MORN4: variants seen among roughly 807,000 people sequenced by gnomAD.
The protein encoded by MORN4 is MORN repeat-containing protein 4.
Under a neutral mutation model 16.4 loss-of-function variants are expected in MORN4, and 8 were observed. The ratio of observed to expected loss-of-function variants is 0.49; its 90% CI spans 0.29 to 0.88. The LOEUF (loss-of-function observed/expected upper bound fraction) is 0.88. Ranked by LOEUF, MORN4 falls within the 40% of genes least tolerant of loss-of-function variation. MORN4 has a pLI of 0.09. For missense variants in MORN4, 159 were observed against 182.9 expected, an observed-to-expected ratio of 0.87 and a Z score of 0.75; for synonymous variants, 53 against 68.9, an observed-to-expected ratio of 0.77 and a Z score of 1.14.
intron 1 of MORN4, among the ~76,000 whole-genome samples, chr10:97,624,261 A>G (rs1055665036): frequency 6.6e-6 from 1 of 152,202 alleles, no homozygotes; most frequent in African/African-American, 2.4e-5. Flanking sequence ...CCACATTGTC[A>G]TGGTGGACAG....
Position 97,626,754 on chromosome 10 carries a change from ATTTTTTT to A in MORN4, c.-31+6586_-31+6592del, listed in dbSNP as rs536665432. Among the ~76,000 whole-genome samples the A allele has an allele frequency of 7.5e-3, 835 of 110,978 alleles. 2 individuals are homozygous for A. The highest frequency in any genetic ancestry group is 0.015 in the Middle Eastern group (2 of 134). 72.8% of individuals were successfully genotyped at this position (110,978 alleles called of 152,430 possible). On this transcript the variant is annotated intron_variant, in intron 1 of 4. Coordinates refer to ENST00000307450, the MANE Select transcript of MORN4 (RefSeq NM_178832.4). Reference sequence around the variant, plus strand: ...TACAGGCATGAGCCACTGTGCCCAGATTTTTTTTTTTTTTTTTTTTTAGACAGAGTTT... The same window carrying A: ...TACAGGCATGAGCCACTGTGCCCAGATTTTTTTTTTTTTTAGACAGAGTTT...
intron 1 of MORN4, among the ~76,000 whole-genome samples, chr10:97,632,363 C>A (rs1274357561): frequency 6.6e-6 from 1 of 151,866 alleles, no homozygotes; most frequent in Non-Finnish European, 1.5e-5. Flanking sequence ...GGATTACAGG[C>A]ACGTGCCACC....
chr10:97,632,015 G>A (rs563338866), intron 1 of MORN4, among the ~76,000 whole-genome samples: 5 of 152,038 alleles, frequency 3.3e-5, no homozygotes, highest in Non-Finnish European at 4.4e-5. Flanking sequence ...AATACTGGGT[G>A]GAGGCAGCCA....
chr10:97,633,355 G>C lies in MORN4; in HGVS notation c.-39C>G, dbSNP rs1308623831. The C allele has an allele frequency of 7.8e-7, 1 of 1,289,758 alleles. No homozygotes were observed. The highest frequency in any genetic ancestry group is 1.5e-5 in the African/African-American group (1 of 65,972). 79.9% of individuals were successfully genotyped at this position (1,289,758 alleles called of 1,614,324 possible). A position where few individuals can be genotyped will look rare whatever the true frequency, so the allele number is the denominator to read the frequency against. ...CTGCGCCTCCAGCCAACCTGGGGCC[G>C]GCCTTTCGGGATGACCGTCACGCCT... On this transcript the variant is annotated 5_prime_UTR_variant, in exon 1 of 5. Transcript: ENST00000307450. The surrounding 1 kb of genome is among the most constrained non-coding windows in gnomAD (Gnocchi z 4.5).
chr10:97,619,468 A>G (rs1164688139), intron 2 of MORN4, 119 bp downstream of exon 2: 2 of 780,452 alleles, frequency 2.6e-6, no homozygotes, highest in Non-Finnish European at 4.7e-6. Flanking sequence ...CAGGCACTAT[A>G]TGGAATTAAA....
At chr10:97,616,570 G>A (rs2041238290) in intron 4 of MORN4, 108 bp downstream of exon 4, 4 of 1,232,402 alleles carry the variant, frequency 3.2e-6, no homozygotes, top group African/African-American at 1.5e-5. Flanking sequence ...AGGTGTCAGG[G>A]ACGGCCACTA....
upstream of MORN4, among the ~76,000 whole-genome samples, chr10:97,633,856 G>A (rs907776908): frequency 6.6e-6 from 1 of 152,212 alleles, no homozygotes; most frequent in Non-Finnish European, 1.5e-5. This position sits in a 1 kb window ranked among gnomAD's most constrained non-coding sequence, Gnocchi z 4.5. Flanking sequence ...GCTTCAGAGA[G>A]GCAGCTTTGT....
At chr10:97,631,755 G>T (rs568046181) in intron 1 of MORN4, among the ~76,000 whole-genome samples, 4 of 152,164 alleles carry the variant, frequency 2.6e-5, no homozygotes, top group Non-Finnish European at 5.9e-5. Flanking sequence ...GAAACGTAGT[G>T]AGACCTCATC....
intron 1 of MORN4, among the ~76,000 whole-genome samples, chr10:97,622,895 A>ATTTATTTATTTATTTT (rs2041315599): frequency 6.7e-6 from 1 of 148,660 alleles, no homozygotes; most frequent in Non-Finnish European, 1.5e-5. Context: ...TTATTTATTT[A>ATTTATTTATTTATTTT]TTTTTTAGAG....
In MORN4 at chr10:97,614,938, C is replaced by T. The variant is rs2041223971; in HGVS notation, c.*1325G>A. ...AAGAAACTGTGTCAGCCCAAGCCAT[C>T]CGTATGAATTCAGTTCACTCCATGG... On this transcript the variant is annotated 3_prime_UTR_variant, in exon 5 of 5. Coordinates refer to ENST00000307450, the MANE Select transcript of MORN4 (RefSeq NM_178832.4). The T allele has an allele frequency of 6.6e-6, 1 of 152,634 alleles. No homozygotes were observed. The allele number at this position is 152,634 out of a possible 1,614,324, so 9.5% of individuals were successfully genotyped here. A position where few individuals can be genotyped will look rare whatever the true frequency, so the allele number is the denominator to read the frequency against.
At chr10:97,621,800 G>A in intron 1 of MORN4, among the ~76,000 whole-genome samples, 1 of 152,098 alleles carries the variant, frequency 6.6e-6, no homozygotes, top group East Asian at 1.9e-4. Flanking sequence ...GGGAGGCAGA[G>A]GTTGCAGTAA....
chr10:97,616,910 A>C, intron 3 of MORN4, 123 bp from the exon 4 acceptor site: 1 of 723,070 alleles, frequency 1.4e-6, no homozygotes, highest in South Asian at 1.6e-5. Flanking sequence ...TACCAGTCAC[A>C]TAGCTCCACC....
At chr10:97,626,066 C>T (rs1364783855) in intron 1 of MORN4, among the ~76,000 whole-genome samples, 2,235 of 140,772 alleles carry the variant, frequency 0.016, 74 homozygotes, top group African/African-American at 0.05. Context: ...AGCCTCATGC[C>T]TTTTTTTTTT....
At chr10:97,631,180 T>C (rs2041392538) in intron 1 of MORN4, among the ~76,000 whole-genome samples, 1 of 152,192 alleles carries the variant, frequency 6.6e-6, no homozygotes, top group Non-Finnish European at 1.5e-5. Flanking sequence ...TGCAAATCAG[T>C]ATTTCTATCA....
rs564036724 is a variant in MORN4 at position 97,633,256 on chromosome 10, C to G, written c.-31+91G>C. 25 of 1,234,848 alleles carry G rather than the reference C, an allele frequency of 2.0e-5. No homozygotes were observed. In the East Asian group the frequency reaches 1.3e-3, roughly 65 times the overall value. 76.5% of individuals were successfully genotyped at this position (1,234,848 alleles called of 1,614,324 possible). ...CGTATCCGAGGTGGAGCCGCGCCCC[C>G]GAGCCGGGTCATCTCGTGCTCCGTT... is the stretch of plus-strand genomic sequence containing the variant. On this transcript the variant is annotated intron_variant, in intron 1 of 4. Coordinates refer to ENST00000307450, the MANE Select transcript of MORN4 (RefSeq NM_178832.4). This position sits in a 1 kb window ranked among gnomAD's most constrained non-coding sequence, Gnocchi z 4.5.
In MORN4 at chr10:97,616,235, T is replaced by C; in HGVS notation, c.*28A>G. On this transcript the variant is annotated 3_prime_UTR_variant, in exon 5 of 5. Coordinates refer to ENST00000307450, the MANE Select transcript of MORN4 (RefSeq NM_178832.4). ...CAACAGGGGCACTGGCTTTACCCAA[T>C]ACTTATCAGCTGGTGCCCACTGCGC... is the stretch of plus-strand genomic sequence containing the variant. 1 of 1,543,800 alleles carries C rather than the reference T, an allele frequency of 6.5e-7. No homozygotes were observed. The highest frequency in any genetic ancestry group is 8.7e-7 in the Non-Finnish European group (1 of 1,147,032).
At chr10:97,626,860 C>A (rs903868695) in intron 1 of MORN4, among the ~76,000 whole-genome samples, 1 of 150,414 alleles carries the variant, frequency 6.6e-6, no homozygotes, top group Non-Finnish European at 1.5e-5. Context: ...CAGGTTCAAG[C>A]GATTCTCTTG....
chr10:97,617,524 C>T (rs1193401885), intron 2 of MORN4, among the ~76,000 whole-genome samples: 2 of 152,212 alleles, frequency 1.3e-5, no homozygotes, highest in Non-Finnish European at 2.9e-5. Flanking sequence ...CTTATCACTA[C>T]AGATTAAAGC....
intron 2 of MORN4, among the ~76,000 whole-genome samples, chr10:97,618,743 T>C (rs2041261295): frequency 6.6e-6 from 1 of 152,060 alleles, no homozygotes; most frequent in Admixed American, 6.6e-5. Context: ...AATCAGGCTG[T>C]TAGATTTGCC....
Sources: gnomAD v4.1 joint callset for allele counts (sites outside exome capture counted in the v4.1 genomes callset) on GRCh38, gnomAD v4.1.1 for gene constraint, Gnocchi (gnomAD v3.1) non-coding constraint, MANE v1.5 for transcripts, NCBI Gene and HGNC (gene_info 2026-07-23, HGNC 2026-07-21) for gene names.